The following CMSS1 variants were observed in gnomAD, a reference collection of about 807,000 sequenced individuals.
CMSS1 encodes the protein protein CMSS1.
In CMSS1, 33 loss-of-function variants were observed where a neutral mutation model predicts 43.5. That is an observed-to-expected ratio of 0.76 (90% CI 0.57 to 1.01). The LOEUF is 1.01. Among genes scored for constraint, CMSS1 ranks in the 50% least tolerant of loss-of-function variants. The probability of loss-of-function intolerance (pLI) is 0.00; values close to 1 mark genes in which losing one functional copy is unlikely to be tolerated. For synonymous variants in CMSS1, 115 were observed against 117.2 expected (o/e 0.98, Z 0.12); for missense variants, 313 against 326.4 (o/e 0.96, Z 0.32).
At chr3:100,159,926 T>C in intron 2 of CMSS1, 1 of 456,636 alleles carries the variant, frequency 2.2e-6, no homozygotes, top group Non-Finnish European at 4.4e-6. Flanking sequence ...CGTAAGTTAA[T>C]ATATCTTACT....
intron 1 of CMSS1, among the ~76,000 whole-genome samples, chr3:99,889,874 A>G (rs1279878014): frequency 6.6e-6 from 1 of 152,058 alleles, no homozygotes; most frequent in Non-Finnish European, 1.5e-5. Flanking sequence ...TATTATTGTT[A>G]TTATATATTT....
chr3:99,953,767 C>G lies in CMSS1; in HGVS notation c.64+135724C>G, dbSNP rs145781776. Among the ~76,000 whole-genome samples the G allele has an allele frequency of 7.4e-4, 113 of 152,296 alleles. 1 individual carries two copies. The East Asian group carries it at 0.02, about 27-fold the overall frequency. ...TTCCTAGAAACTCAGTCTATACTGACAGAGAACTGCCCAAACAGTCCACAT... is the reference window on the plus strand; with the variant it reads ...TTCCTAGAAACTCAGTCTATACTGAGAGAGAACTGCCCAAACAGTCCACAT... On this transcript the variant is annotated intron_variant, in intron 1 of 9. Coordinates refer to ENST00000421999, the MANE Select transcript of CMSS1 (RefSeq NM_032359.4).
intron 1 of CMSS1, among the ~76,000 whole-genome samples, chr3:100,024,103 A>T (rs2064875988): frequency 6.6e-6 from 1 of 151,472 alleles, no homozygotes; most frequent in African/African-American, 2.4e-5. Context: ...CATCTTCCAC[A>T]CTCCGTCTTC....
intron 1 of CMSS1, among the ~76,000 whole-genome samples, chr3:99,980,402 A>C (rs558820744): frequency 2.5e-4 from 38 of 152,280 alleles, no homozygotes; most frequent in African/African-American, 8.2e-4. Flanking sequence ...GGTATAGTAC[A>C]TCAGATATGT....
chr3:100,116,945 G>A (rs773981232), intron 1 of CMSS1, among the ~76,000 whole-genome samples: 1 of 152,176 alleles, frequency 6.6e-6, no homozygotes, highest in Non-Finnish European at 1.5e-5. Context: ...GAGAATAAGA[G>A]TTTCATGTTC....
At chr3:99,881,251 T>C (rs1024651422) in intron 1 of CMSS1, among the ~76,000 whole-genome samples, 2 of 152,166 alleles carry the variant, frequency 1.3e-5, no homozygotes, top group South Asian at 4.2e-4. Context: ...GATTATTAAA[T>C]GGGAAGCAGG....
chr3:99,877,769 T>A (rs1422772232), intron 1 of CMSS1, among the ~76,000 whole-genome samples: 1 of 152,216 alleles, frequency 6.6e-6, no homozygotes, highest in East Asian at 1.9e-4. Context: ...GCTGCATTTT[T>A]TATTACAAAT....
rs987765969 is a variant in CMSS1, at chr3:99,978,630, C to T, written c.64+160587C>T. On this transcript the variant is annotated intron_variant, in intron 1 of 9. Coordinates refer to ENST00000421999, the MANE Select transcript of CMSS1 (RefSeq NM_032359.4). ...GGAGTAGAGGCTGGGCACCAGGGCT[C>T]TCCCCTGTAATCCCAGGACTTTGGG... Among the ~76,000 whole-genome samples the T allele has an allele frequency of 5.3e-5, 8 of 152,156 alleles. No homozygotes were observed. In the East Asian group the frequency reaches 1.5e-3, roughly 29 times the overall value.
At chr3:100,153,299 A>G (rs1358137266) in intron 2 of CMSS1, among the ~76,000 whole-genome samples, 4 of 152,230 alleles carry the variant, frequency 2.6e-5, no homozygotes, top group African/African-American at 9.6e-5. Flanking sequence ...GGAATCATAC[A>G]GTTACATGCT....
intron 1 of CMSS1, among the ~76,000 whole-genome samples, chr3:100,013,129 GGCCTCCCAAA>G (rs1018502423): frequency 2.0e-5 from 3 of 151,950 alleles, no homozygotes; most frequent in African/African-American, 7.3e-5. Context: ...CACCCACCTT[GGCCTCCCAAA>G]GTGCTGGGAT....
chr3:99,958,447 C>T (rs1237929301), intron 1 of CMSS1, among the ~76,000 whole-genome samples: 3 of 151,904 alleles, frequency 2.0e-5, no homozygotes, highest in Non-Finnish European at 4.4e-5. Context: ...CAGGAAAGTG[C>T]TTACATAGCA....
Position 100,086,446 on chromosome 3 carries a change from A to C in CMSS1, c.65-60527A>C, listed in dbSNP as rs2066009477. On this transcript the variant is annotated intron_variant, in intron 1 of 9. Transcript: ENST00000421999. Reference sequence around the variant, plus strand: ...GAAAAAAAATCCAGGTTCTACTCTTATCTGTGCTTTCTCACTTATAACAGT... The same window carrying C: ...GAAAAAAAATCCAGGTTCTACTCTTCTCTGTGCTTTCTCACTTATAACAGT... 2.0e-5 allele frequency among the ~76,000 whole-genome samples: 3 copies of C among 152,222 alleles called. No homozygotes were observed. The South Asian group carries it at 6.2e-4, about 31-fold the overall frequency.
In CMSS1 at chr3:99,910,242, A is replaced by G. The variant is rs143526524; in HGVS notation, c.64+92199A>G. Among the ~76,000 whole-genome samples, 22 of 136,842 alleles carry G rather than the reference A, an allele frequency of 1.6e-4. 2 individuals carry two copies. Among genetic ancestry groups the G allele is most frequent in the African/African-American group, 5.5e-4 (22 of 40,192 alleles). 89.8% of individuals were successfully genotyped at this position (136,842 alleles called of 152,430 possible). On this transcript the variant is annotated intron_variant, in intron 1 of 9. Coordinates refer to ENST00000421999, the MANE Select transcript of CMSS1 (RefSeq NM_032359.4). ...GAGGATTAAAAGGCTATAAAAATTT[A>G]AATAACTTCATCCAGTGAGTATGTT...
chr3:100,032,559 T>C (rs1284546035), intron 1 of CMSS1, among the ~76,000 whole-genome samples: 1 of 152,188 alleles, frequency 6.6e-6, no homozygotes. Flanking sequence ...CATAACATTG[T>C]AAAGCTCACA....
rs529852082 is a variant in CMSS1 at position 99,900,114 on chromosome 3, A to G, written c.64+82071A>G. ...GAACAGTGTTTCACACATAGCAGGT[A>G]TTCAGTAAATATGTATTGGATGAAT... On this transcript the variant is annotated intron_variant, in intron 1 of 9. Coordinates refer to ENST00000421999, the MANE Select transcript of CMSS1 (RefSeq NM_032359.4). Among the ~76,000 whole-genome samples the G allele has an allele frequency of 3.5e-4, 54 of 152,342 alleles. 1 individual carries two copies. In the South Asian group the frequency reaches 0.011, roughly 31 times the overall value.
intron 1 of CMSS1, among the ~76,000 whole-genome samples, chr3:100,137,495 G>C (rs779254762): frequency 2.5e-4 from 38 of 151,590 alleles, no homozygotes; most frequent in Non-Finnish European, 4.4e-4. Context: ...AAATGAGAGG[G>C]GAAGATGTTA....
intron 1 of CMSS1, among the ~76,000 whole-genome samples, chr3:99,965,430 A>T (rs547365746): frequency 1.8e-4 from 28 of 152,318 alleles, no homozygotes; most frequent in African/African-American, 6.5e-4. Context: ...ATGTACCAGC[A>T]TGTTCTTCAA....
At chr3:99,982,567 C>T (rs1373199439) in intron 1 of CMSS1, among the ~76,000 whole-genome samples, 1 of 152,070 alleles carries the variant, frequency 6.6e-6, no homozygotes, top group Non-Finnish European at 1.5e-5. Context: ...TGGTCTTTCA[C>T]CCCTGGGCTC....
At chr3:99,818,128 G>A (rs1406627426) in intron 1 of CMSS1, 85 bp downstream of exon 1, 3 of 1,354,306 alleles carry the variant, frequency 2.2e-6, no homozygotes, top group African/African-American at 1.4e-5. Context: ...TGGCGATCGC[G>A]GTGTTTGCCC....
Sources: gnomAD v4.1 joint callset for allele counts (sites outside exome capture counted in the v4.1 genomes callset) on GRCh38, gnomAD v4.1.1 for gene constraint, MANE v1.5 for transcripts, NCBI Gene and HGNC (gene_info 2026-07-23, HGNC 2026-07-21) for gene names.